SH3BGRL2: variants seen among roughly 807,000 people sequenced by gnomAD.
The protein encoded by SH3BGRL2 is SH3 domain-binding glutamic acid-rich-like protein 2.
In SH3BGRL2, 21 loss-of-function variants were observed where a neutral mutation model predicts 14.8. That is an observed-to-expected ratio of 1.42 (90% confidence interval 1.01 to 2.05). The LOEUF is 2.05. Among genes scored for constraint, SH3BGRL2 ranks in the 30% most tolerant of loss-of-function variants. SH3BGRL2 has a pLI of 0.00. For missense variants in SH3BGRL2, 147 were observed against 130.8 expected (o/e 1.12, Z -0.61); for synonymous variants, 50 against 47.8 (o/e 1.05, Z -0.19).
chr6:79,609,413 A>T, the SH3BGRL2 span, among the ~76,000 whole-genome samples: 10 of 152,120 alleles, frequency 6.6e-5, no homozygotes, highest in African/African-American at 2.2e-4. Context: ...AATGTATCCT[A>T]TCTTTCCAGA....
chr6:79,572,690 C>T, the SH3BGRL2 span, among the ~76,000 whole-genome samples: 3 of 152,242 alleles, frequency 2.0e-5, no homozygotes, highest in South Asian at 2.1e-4. Flanking sequence ...TGGTCTCGAT[C>T]TCCTGACCTC....
the SH3BGRL2 span, among the ~76,000 whole-genome samples, chr6:79,597,480 A>T: frequency 2.0e-5 from 3 of 152,150 alleles, no homozygotes; most frequent in African/African-American, 7.2e-5. Context: ...TTTAGGGTCA[A>T]TTGATTTTCA....
intron 3 of SH3BGRL2, among the ~76,000 whole-genome samples, chr6:79,698,310 A>G (rs953111890): frequency 2.0e-5 from 3 of 152,224 alleles, no homozygotes; most frequent in Non-Finnish European, 4.4e-5. Context: ...AGAACAATTT[A>G]GCATTTTCTC....
chr6:79,656,952 T>C (rs1202461909), intron 1 of SH3BGRL2, among the ~76,000 whole-genome samples: 1 of 152,162 alleles, frequency 6.6e-6, no homozygotes, highest in African/African-American at 2.4e-5. Flanking sequence ...GAAATAAAGG[T>C]GTCACCAAAT....
chr6:79,648,255 CATATATATATATATATATAT>C (rs60702112), intron 1 of SH3BGRL2, among the ~76,000 whole-genome samples: 1 of 62,472 alleles, frequency 1.6e-5, no homozygotes, highest in Non-Finnish European at 2.9e-5. Context: ...ATTCTTTTGG[CATATATATATATATATATAT>C]ATATATATTT....
At chr6:79,687,071 C>G (rs2127737254) in intron 2 of SH3BGRL2, among the ~76,000 whole-genome samples, 2 of 152,296 alleles carry the variant, frequency 1.3e-5, no homozygotes, top group Non-Finnish European at 2.9e-5. Context: ...GAGAGCACTT[C>G]TCTGGAGCTC....
At chr6:79,587,619 G>A in the SH3BGRL2 span, among the ~76,000 whole-genome samples, 209 of 152,322 alleles carry the variant, frequency 1.4e-3, 1 homozygote, top group African/African-American at 4.7e-3. Flanking sequence ...AAGGGTATTT[G>A]TTGTATTATA....
At chr6:79,629,540 C>A (rs917029396), upstream of SH3BGRL2, among the ~76,000 whole-genome samples, 2 of 152,140 alleles carry the variant, frequency 1.3e-5, no homozygotes, top group Admixed American at 6.5e-5. Flanking sequence ...TTCATTCAAA[C>A]CTACTTTTTC....
At chr6:79,617,936 G>A in the SH3BGRL2 span, among the ~76,000 whole-genome samples, 1 of 152,178 alleles carries the variant, frequency 6.6e-6, no homozygotes, top group East Asian at 1.9e-4. Flanking sequence ...TGGAATTTCT[G>A]TGAAGCAGCC....
chr6:79,553,601 G>A, the SH3BGRL2 span, among the ~76,000 whole-genome samples: 2 of 152,124 alleles, frequency 1.3e-5, no homozygotes, highest in South Asian at 2.1e-4. Flanking sequence ...AAAGAGAGGC[G>A]ACTTAATTTT....
intron 2 of SH3BGRL2, among the ~76,000 whole-genome samples, chr6:79,675,394 C>G (rs1358813794): frequency 6.6e-6 from 1 of 152,074 alleles, no homozygotes; most frequent in Non-Finnish European, 1.5e-5. Context: ...AAATTTTAAT[C>G]TCTTATATAT....
intron 2 of SH3BGRL2, among the ~76,000 whole-genome samples, chr6:79,693,958 T>A (rs928105184): frequency 6.6e-6 from 1 of 152,172 alleles, no homozygotes; most frequent in African/African-American, 2.4e-5. Flanking sequence ...AAAGGAGTCC[T>A]GTGATGTGTT....
At chr6:79,619,132 AC>A in the SH3BGRL2 span, among the ~76,000 whole-genome samples, 1 of 152,028 alleles carries the variant, frequency 6.6e-6, no homozygotes, top group Non-Finnish European at 1.5e-5. Flanking sequence ...TATATAAAAA[AC>A]ATGATTAGGA....
At chr6:79,543,011 A>G in the SH3BGRL2 span, among the ~76,000 whole-genome samples, 1 of 152,234 alleles carries the variant, frequency 6.6e-6, no homozygotes, top group African/African-American at 2.4e-5. Context: ...TCTACAGAGT[A>G]CTTTCATGAA....
chr6:79,550,285 G>C, the SH3BGRL2 span, among the ~76,000 whole-genome samples: 5 of 151,890 alleles, frequency 3.3e-5, no homozygotes, highest in Non-Finnish European at 1.5e-5. Context: ...AACAGGAAAA[G>C]GTAGAAGCTG....
At chr6:79,698,224 A>C (rs1426269695) in intron 3 of SH3BGRL2, among the ~76,000 whole-genome samples, 1 of 152,190 alleles carries the variant, frequency 6.6e-6, no homozygotes, top group Non-Finnish European at 1.5e-5. Context: ...GCCACTCTCC[A>C]TGAACCATTT....
chr6:79,537,846 G>T, the SH3BGRL2 span, among the ~76,000 whole-genome samples: 1 of 151,966 alleles, frequency 6.6e-6, no homozygotes, highest in Non-Finnish European at 1.5e-5. Context: ...AGTGCTTCTG[G>T]ATCTTCTTAC....
At chr6:79,662,975 G>A (rs1377245822) in intron 1 of SH3BGRL2, among the ~76,000 whole-genome samples, 1 of 151,964 alleles carries the variant, frequency 6.6e-6, no homozygotes, top group South Asian at 2.1e-4. Flanking sequence ...CGAAGTTCTC[G>A]TGCCATGGTT....
chr6:79,625,251 C>T, the SH3BGRL2 span, among the ~76,000 whole-genome samples: 1 of 149,276 alleles, frequency 6.7e-6, no homozygotes, highest in Non-Finnish European at 1.5e-5. Flanking sequence ...TATATATACA[C>T]ACACACACAC....
Sources: gnomAD v4.1 joint callset for allele counts (sites outside exome capture counted in the v4.1 genomes callset) on GRCh38, gnomAD v4.1.1 for gene constraint, MANE v1.5 for transcripts, NCBI Gene and HGNC (gene_info 2026-07-23, HGNC 2026-07-21) for gene names.